HMCN1: variants seen among roughly 807,000 people sequenced by gnomAD.
HMCN1 encodes hemicentin 1.
In HMCN1, 321 loss-of-function variants were observed where a neutral mutation model predicts 625.9. The ratio of observed to expected loss-of-function variants is 0.51; its 90% CI spans 0.47 to 0.56. The LOEUF (loss-of-function observed/expected upper bound fraction) is 0.56. Among genes scored for constraint, HMCN1 ranks in the 20% least tolerant of loss-of-function variants. The pLI, the probability that HMCN1 is intolerant of heterozygous loss-of-function variation, is 0.00. For synonymous variants in HMCN1, 2,425 were observed against 2,417.6 expected, an observed-to-expected ratio of 1.00 and a Z score of -0.09; for missense variants, 6,588 against 6,887.3, an observed-to-expected ratio of 0.96 and a Z score of 1.54.
At chr1:185,830,440 G>A (rs183995596) in intron 1 of HMCN1, among the ~76,000 whole-genome samples, 190 of 152,242 alleles carry the variant, frequency 1.2e-3, no homozygotes, top group South Asian at 7.9e-3. Flanking sequence ...GTGTAAGGAA[G>A]GGGTTCAATT....
chr1:186,090,935 C>A lies in HMCN1; in HGVS notation c.9887+18C>A. ...AGAATCCGGTATGTTTAAAAATAAT[C>A]TTTCCATTATAAATTGTAAGCCCTT... is the stretch of plus-strand genomic sequence containing the variant. On this transcript the variant is annotated intron_variant, in intron 64 of 106. Transcript: ENST00000271588. 2.5e-6 allele frequency: 4 copies of A among 1,608,176 alleles called. No homozygotes were observed. The highest frequency in any genetic ancestry group is 3.4e-6 in the Non-Finnish European group (4 of 1,175,374).
chr1:185,758,832 T>A (rs878956912), intron 1 of HMCN1, among the ~76,000 whole-genome samples: 13 of 152,332 alleles, frequency 8.5e-5, no homozygotes, highest in East Asian at 1.9e-4. Flanking sequence ...CAGTTTTTTT[T>A]AATTAGTTCC....
chr1:186,062,295 A>G (rs1657754140), intron 47 of HMCN1, among the ~76,000 whole-genome samples: 1 of 152,200 alleles, frequency 6.6e-6, no homozygotes, highest in Non-Finnish European at 1.5e-5. Flanking sequence ...ATGCAGACTT[A>G]ATGATTTACA....
intron 36 of HMCN1, among the ~76,000 whole-genome samples, chr1:186,033,747 C>T (rs1441848959): frequency 6.6e-6 from 1 of 151,996 alleles, no homozygotes; most frequent in Non-Finnish European, 1.5e-5. Flanking sequence ...TTCTATTATG[C>T]TTCTTTTTCT....
Position 185,734,795 on chromosome 1 carries a change from G to A in HMCN1, c.16G>A (p.Val6Ile), listed in dbSNP as rs940582176. The A allele has an allele frequency of 1.2e-6, 2 of 1,614,174 alleles. No individual in the cohort carries two copies. The highest frequency in any genetic ancestry group is 1.7e-6 in the Non-Finnish European group (2 of 1,180,016). The stretch of plus-strand genomic sequence containing the variant: ...AAAAAAGAAAATGATTTCCTGGGAA[G>A]TTGTCCATACAGTATTCCTGTTTGC... MISWE[V>I]VHTVFLFALL... Residue 6 changes from valine (V) to isoleucine (I), a missense_variant, in exon 1 of 107, where the codon GTT becomes ATT. Transcript: ENST00000271588.
At chr1:186,054,339 T>C (rs979739923) in intron 44 of HMCN1, among the ~76,000 whole-genome samples, 5 of 152,138 alleles carry the variant, frequency 3.3e-5, no homozygotes, top group Admixed American at 1.3e-4. Flanking sequence ...AATATTTTAC[T>C]CGTATAAGAT....
chr1:185,967,827 A>G (rs1262663060), intron 14 of HMCN1, among the ~76,000 whole-genome samples: 1 of 152,168 alleles, frequency 6.6e-6, no homozygotes, highest in African/African-American at 2.4e-5. Context: ...CTTTTTCCTC[A>G]TACCTTCCTT....
intron 105 of HMCN1, 110 bp from the exon 106 acceptor site, chr1:186,187,773 G>T (rs892824406): frequency 1.4e-6 from 2 of 1,401,510 alleles, no homozygotes; most frequent in African/African-American, 2.8e-5. Flanking sequence ...TTCATTCATG[G>T]CAGGAGAAGG....
chr1:186,149,721 T>A lies in HMCN1; in HGVS notation c.14609-1479T>A, dbSNP rs185441007. Among the ~76,000 whole-genome samples, 60 of 152,290 alleles carry A rather than the reference T, an allele frequency of 3.9e-4. 1 individual carries two copies. Among genetic ancestry groups the A allele is most frequent in the Middle Eastern group, 6.8e-3 (2 of 294 alleles). Reference sequence around the variant, plus strand: ...CAGCTTAACCATTTCCAGCTTTTGATTTAAAGTGAGAGACATGAGACTCTT... The same window carrying A: ...CAGCTTAACCATTTCCAGCTTTTGAATTAAAGTGAGAGACATGAGACTCTT... On this transcript the variant is annotated intron_variant, in intron 93 of 106. Transcript: ENST00000271588.
chr1:185,959,247 G>A (rs1255544058), intron 11 of HMCN1, among the ~76,000 whole-genome samples: 2 of 152,136 alleles, frequency 1.3e-5, no homozygotes, highest in Non-Finnish European at 2.9e-5. Context: ...AAGCTTAAGA[G>A]CAACAAATCA....
At chr1:185,833,554 T>C (rs985846450) in intron 1 of HMCN1, among the ~76,000 whole-genome samples, 4 of 152,190 alleles carry the variant, frequency 2.6e-5, no homozygotes, top group African/African-American at 7.2e-5. Flanking sequence ...GATAACTTCT[T>C]CAGAGTTTTG....
intron 4 of HMCN1, among the ~76,000 whole-genome samples, chr1:185,888,850 G>T (rs1248615676): frequency 0.041 from 5,936 of 146,516 alleles, 213 homozygotes; most frequent in Non-Finnish European, 0.055. Context: ...GTGAAGAAAG[G>T]CATTGGTAGC....
intron 19 of HMCN1, among the ~76,000 whole-genome samples, chr1:185,984,607 A>G (rs1651887239): frequency 6.6e-6 from 1 of 152,188 alleles, no homozygotes; most frequent in Admixed American, 6.6e-5. Flanking sequence ...TTAAAAATAC[A>G]TTTTAATTTC....
intron 93 of HMCN1, among the ~76,000 whole-genome samples, chr1:186,147,433 G>T (rs1374403405): frequency 2.0e-5 from 3 of 148,284 alleles, no homozygotes; most frequent in Admixed American, 1.4e-4. Context: ...TTAATTCGTG[G>T]CAAACAAATG....
chr1:185,994,752 T>A, intron 23 of HMCN1, 63 bp from the exon 24 acceptor site: 3 of 1,519,244 alleles, frequency 2.0e-6, no homozygotes, highest in Non-Finnish European at 2.7e-6. Flanking sequence ...AGCTCTCGTT[T>A]AAAGTGAGTA....
At chr1:186,094,189 C>G (rs1660001584) in intron 66 of HMCN1, 87 bp from the exon 67 acceptor site, 8 of 1,045,614 alleles carry the variant, frequency 7.7e-6, no homozygotes, top group African/African-American at 4.7e-5. Flanking sequence ...AAATCACCAC[C>G]TATAGCCTAT....
At position 186,093,594 on chromosome 1, in the gene HMCN1, T is replaced by G; in HGVS notation, c.10121T>G (p.Ile3374Arg). The change falls in exon 66 of 107, where the codon ATA becomes AGA. Residue 3374 changes from isoleucine (I) to arginine (R), a missense_variant. Around this residue, in one of 3 missense-constraint regions of HMCN1, gnomAD observed 4,628 missense variants for 4,853.1 expected, o/e 0.95. Transcript: ENST00000271588. ...CRATGTPPPQINWLKNGLPLP... is the reference protein window; with the variant it reads ...CRATGTPPPQRNWLKNGLPLP... ...GCCACAGGGACGCCTCCACCACAGA[T>G]AAACTGGCTGAAGAATGGACTTCCT... The G allele has an allele frequency of 6.2e-7, 1 of 1,613,478 alleles. No individual in the cohort carries two copies. Among genetic ancestry groups the G allele is most frequent in the Non-Finnish European group, 8.5e-7 (1 of 1,179,642 alleles).
At chr1:186,157,695 GT>G (rs1213575248) in intron 97 of HMCN1, among the ~76,000 whole-genome samples, 1 of 152,016 alleles carries the variant, frequency 6.6e-6, no homozygotes, top group African/African-American at 2.4e-5. Context: ...GCGGTGTTTG[GT>G]TTTTTGTTCT....
chr1:186,176,000 C>T (rs999612141), intron 103 of HMCN1, among the ~76,000 whole-genome samples: 1 of 151,638 alleles, frequency 6.6e-6, no homozygotes, highest in Non-Finnish European at 1.5e-5. Context: ...GTTTTTAAAG[C>T]AAAATTTACT....
Sources: gnomAD v4.1 joint callset for allele counts (sites outside exome capture counted in the v4.1 genomes callset) on GRCh38, gnomAD v4.1.1 for gene constraint, gnomAD v4.1.1 regional missense constraint, MANE v1.5 for transcripts, NCBI Gene and HGNC (gene_info 2026-07-23, HGNC 2026-07-21) for gene names.